The following ITGB6 variants were observed in gnomAD, a reference collection of about 807,000 sequenced individuals.
ITGB6 encodes the protein integrin subunit beta 6.
ITGB6 carries 80 observed loss-of-function variants against 84.5 expected under a neutral mutation model. The observed-to-expected ratio is 0.95, with a 90% CI of 0.79 to 1.14. ITGB6 has a LOEUF of 1.14. Among genes scored for constraint, ITGB6 ranks in the 50% most tolerant of loss-of-function variants. The pLI is 0.00. For missense variants in ITGB6, 1,006 were observed against 968.0 expected, an observed-to-expected ratio of 1.04 and a Z score of -0.52; for synonymous variants, 383 against 354.9, an observed-to-expected ratio of 1.08 and a Z score of -0.89.
chr2:160,164,431 C>A (rs549702091), intron 7 of ITGB6, among the ~76,000 whole-genome samples: 1 of 152,296 alleles, frequency 6.6e-6, no homozygotes, highest in Admixed American at 6.5e-5. Flanking sequence ...GTGGCTCACA[C>A]CTGTAATCCC....
At chr2:160,104,079 A>C (rs16844765) in intron 14 of ITGB6, among the ~76,000 whole-genome samples, 3,287 of 152,284 alleles carry the variant, frequency 0.022, 51 homozygotes, top group Non-Finnish European at 0.032. Flanking sequence ...AAGCAACTTC[A>C]TTCATTCAGG....
intron 4 of ITGB6, among the ~76,000 whole-genome samples, chr2:160,185,554 A>T (rs1685860436): frequency 6.6e-6 from 1 of 152,214 alleles, no homozygotes. Context: ...TGCCTAAAGT[A>T]ATTTATAGAT....
chr2:160,137,437 C>A lies in ITGB6; in HGVS notation c.1657G>T (p.Gly553Ter), dbSNP rs188076755. Residue 553 changes from glycine (G) to a stop codon, truncating the protein, a stop_gained, in exon 10 of 15, where the codon GGA becomes TGA. Transcript: ENST00000283249. LOFTEE classifies it high-confidence loss of function. ...GATGGATTTCAACATAGCCTACCTC[C>A]GCAGAGCAGCCCTTTGTGTCTCACG... The part of the protein sequence containing the change: ...SCVRHKGLLC[G>*]GNGDCDCGEC... 1.2e-6 allele frequency: 2 copies of A among 1,605,948 alleles called. No homozygotes were observed. The highest frequency in any genetic ancestry group is 1.3e-5 in the African/African-American group (1 of 74,956).
At chr2:160,167,447 C>A (rs1559184544) in intron 7 of ITGB6, among the ~76,000 whole-genome samples, 2 of 152,148 alleles carry the variant, frequency 1.3e-5, no homozygotes, top group East Asian at 1.9e-4. Context: ...GGGTGGCTGA[C>A]CTGGACTGTC....
intron 10 of ITGB6, among the ~76,000 whole-genome samples, chr2:160,131,748 T>C (rs978772089): frequency 1.2e-4 from 18 of 152,218 alleles, no homozygotes; most frequent in African/African-American, 4.3e-4. Flanking sequence ...TTTCTGAGTC[T>C]AGCTAAATAA....
chr2:160,106,906 T>C (rs896608357), intron 14 of ITGB6, among the ~76,000 whole-genome samples: 3 of 152,186 alleles, frequency 2.0e-5, no homozygotes, highest in African/African-American at 4.8e-5. Context: ...GAATCAGCAA[T>C]GTAAGATAAT....
chr2:160,185,553 T>A (rs2105886153), intron 4 of ITGB6, among the ~76,000 whole-genome samples: 1 of 152,358 alleles, frequency 6.6e-6, no homozygotes, highest in East Asian at 1.9e-4. Flanking sequence ...CTGCCTAAAG[T>A]AATTTATAGA....
rs1159416394 is a variant in ITGB6, at chr2:160,199,203, A to C, written c.117T>G (p.Pro39=). The C allele has an allele frequency of 1.9e-6, 3 of 1,613,968 alleles. No individual in the cohort carries two copies. Among genetic ancestry groups the C allele is most frequent in the Non-Finnish European group, 2.5e-6 (3 of 1,179,944 alleles). Residue 39 remains proline, a synonymous_variant, in exon 2 of 15, where the codon CCT becomes CCG. Coordinates refer to ENST00000283249, the MANE Select transcript of ITGB6 (RefSeq NM_000888.5). The part of the protein sequence containing the change: ...ETCEDCLLIG[P]QCAWCAQENF... ...CCTCCTGAGCACACCAGGCACACTG[A>C]GGTCCAATAAGCAGGCAGTCTTCAC... is the stretch of plus-strand genomic sequence containing the variant.
At chr2:160,128,847 G>C (rs1484954111) in intron 10 of ITGB6, among the ~76,000 whole-genome samples, 2 of 152,134 alleles carry the variant, frequency 1.3e-5, no homozygotes, top group African/African-American at 2.4e-5. Flanking sequence ...GGGTGGGGAA[G>C]ATGATGAGTT....
At chr2:160,118,781 A>C (rs1344451788) in intron 12 of ITGB6, among the ~76,000 whole-genome samples, 1 of 152,014 alleles carries the variant, frequency 6.6e-6, no homozygotes, top group South Asian at 2.1e-4. Flanking sequence ...ATCTCAGCCC[A>C]AAATCTCCTT....
At chr2:160,102,612 C>T (rs188760452) in intron 14 of ITGB6, among the ~76,000 whole-genome samples, 108 of 152,304 alleles carry the variant, frequency 7.1e-4, no homozygotes, top group Non-Finnish European at 1.3e-3. Flanking sequence ...TTGGGTAGCT[C>T]AGCTGTGCTG....
At chr2:160,105,251 T>A (rs935468574) in intron 14 of ITGB6, among the ~76,000 whole-genome samples, 1 of 152,208 alleles carries the variant, frequency 6.6e-6, no homozygotes, top group Non-Finnish European at 1.5e-5. Flanking sequence ...TGCTTTTTTT[T>A]CTGTTTAATG....
chr2:160,181,365 C>T (rs1475932723), intron 4 of ITGB6, among the ~76,000 whole-genome samples: 1 of 152,182 alleles, frequency 6.6e-6, no homozygotes, highest in African/African-American at 2.4e-5. Context: ...GTAAACAAAG[C>T]CACCAGGAAG....
chr2:160,170,701 G>C (rs1277990742), intron 6 of ITGB6, among the ~76,000 whole-genome samples: 1 of 152,218 alleles, frequency 6.6e-6, no homozygotes, highest in Non-Finnish European at 1.5e-5. Flanking sequence ...GAGTACACAG[G>C]AAGTGCTCAG....
intron 7 of ITGB6, among the ~76,000 whole-genome samples, chr2:160,145,888 A>G (rs374386129): frequency 2.0e-5 from 3 of 152,126 alleles, no homozygotes; most frequent in East Asian, 3.8e-4. Flanking sequence ...CTCCGACTGT[A>G]TCTCCTGTGT....
chr2:160,147,533 T>C (rs1201690164), intron 7 of ITGB6, among the ~76,000 whole-genome samples: 4 of 152,190 alleles, frequency 2.6e-5, no homozygotes, highest in Admixed American at 6.5e-5. Flanking sequence ...AACTCAACAC[T>C]GAAGATGAAC....
intron 7 of ITGB6, among the ~76,000 whole-genome samples, chr2:160,149,368 CTGTT>C (rs1684327200): frequency 6.6e-6 from 1 of 152,202 alleles, no homozygotes; most frequent in African/African-American, 2.4e-5. Context: ...AGGGACATGA[CTGTT>C]AGAAGGAAAA....
At chr2:160,116,325 T>C (rs1230907417) in intron 12 of ITGB6, among the ~76,000 whole-genome samples, 1 of 150,024 alleles carries the variant, frequency 6.7e-6, no homozygotes, top group Admixed American at 6.6e-5. Context: ...TGGCAGAAAC[T>C]CTACAAGCCA....
chr2:160,134,219 G>A (rs1477567020), intron 10 of ITGB6, among the ~76,000 whole-genome samples: 1 of 152,072 alleles, frequency 6.6e-6, no homozygotes. Flanking sequence ...ATGATAAACG[G>A]GATATCACCA....
Sources: gnomAD v4.1 joint callset for allele counts (sites outside exome capture counted in the v4.1 genomes callset) on GRCh38, gnomAD v4.1.1 for gene constraint, MANE v1.5 for transcripts, NCBI Gene and HGNC (gene_info 2026-07-23, HGNC 2026-07-21) for gene names.